The following LAMC3 variants were observed in gnomAD, a reference collection of about 807,000 sequenced individuals.
The protein encoded by LAMC3 is laminin subunit gamma 3, also known as laminin subunit gamma-3.
A neutral mutation model predicts 173.8 loss-of-function variants in LAMC3; 128 were observed. The observed-to-expected ratio is 0.74, with a 90% CI of 0.64 to 0.85. LAMC3 has a LOEUF of 0.85. LAMC3 is among the 40% of genes least tolerant of loss of function. The pLI is 0.00. For synonymous variants in LAMC3, 897 were observed against 909.1 expected (o/e 0.99, Z 0.24); for missense variants, 2,022 against 2,156.0 (o/e 0.94, Z 1.23).
At chr9:131,031,982 C>T (rs995893747) in intron 2 of LAMC3, 63 bp from the exon 3 acceptor site, 23 of 1,613,044 alleles carry the variant, frequency 1.4e-5, no homozygotes, top group African/African-American at 6.7e-5. Flanking sequence ...GCCAGCAGAG[C>T]GATGGGGGTA....
At chr9:131,071,772 T>C in intron 18 of LAMC3, 147 bp downstream of exon 18, 1 of 738,998 alleles carries the variant, frequency 1.4e-6, no homozygotes, top group African/African-American at 1.8e-5. Flanking sequence ...TGTAACTTTA[T>C]TAATATCAGT....
intron 1 of LAMC3, chr9:131,021,446 T>A (rs1331333729): frequency 1.3e-5 from 2 of 152,158 alleles, no homozygotes; most frequent in African/African-American, 2.4e-5. Context: ...ATAATAGCCA[T>A]CCTAATGGAT....
At chr9:131,047,000 G>T (rs1346345707) in intron 8 of LAMC3, among the ~76,000 whole-genome samples, 1 of 152,100 alleles carries the variant, frequency 6.6e-6, no homozygotes, top group African/African-American at 2.4e-5. Flanking sequence ...TAGGGTGTCA[G>T]CGTTGGGCAG....
At chr9:131,076,842 C>T (rs1019389723) in intron 21 of LAMC3, among the ~76,000 whole-genome samples, 18 of 152,300 alleles carry the variant, frequency 1.2e-4, no homozygotes, top group African/African-American at 4.1e-4. Context: ...CCGCTGTGCT[C>T]CCCACTTCAC....
chr9:131,048,989 T>G, intron 8 of LAMC3, 31 bp from the exon 9 acceptor site: 1 of 1,427,300 alleles, frequency 7.0e-7, no homozygotes, highest in African/African-American at 1.4e-5. Context: ...GGCCTCACAC[T>G]GATCGGGGGG....
In LAMC3 at chr9:131,069,799, C is replaced by T. The variant is rs373898915; in HGVS notation, c.3018C>T (p.Asp1006=). The T allele has an allele frequency of 5.0e-5, 80 of 1,594,402 alleles. No homozygotes were observed. Among genetic ancestry groups the T allele is most frequent in the African/African-American group, 9.4e-5 (7 of 74,790 alleles). ...ACGACAACTTCTTCCTCACGGCAGA[C>T]GGCACACACTGCCAGCAATGTCCGT... The part of the protein sequence containing the change: ...RCHDNFFLTA[D]GTHCQQCPSC... The change falls in exon 17 of 28, where the codon GAC becomes GAT. Residue 1006 remains aspartate, a synonymous_variant. Coordinates refer to ENST00000361069, the MANE Select transcript of LAMC3 (RefSeq NM_006059.4).
chr9:131,038,715 A>G, intron 4 of LAMC3, 149 bp from the exon 5 acceptor site: 1 of 840,706 alleles, frequency 1.2e-6, no homozygotes, highest in Non-Finnish European at 2.0e-6. Context: ...AGCCTTGATC[A>G]AGCTGGGCCT....
chr9:131,055,886 T>C (rs890351820), intron 11 of LAMC3, among the ~76,000 whole-genome samples: 1 of 152,108 alleles, frequency 6.6e-6, no homozygotes, highest in Non-Finnish European at 1.5e-5. Flanking sequence ...TTCATTAGTC[T>C]CAAAATCTCC....
At chr9:131,041,600 C>T in intron 6 of LAMC3, 37 bp from the exon 7 acceptor site, 3 of 1,580,828 alleles carry the variant, frequency 1.9e-6, no homozygotes, top group Non-Finnish European at 2.6e-6. Flanking sequence ...TGAATTTGCT[C>T]ATTGCACATT....
At position 131,052,505 on chromosome 9, in the gene LAMC3, G is replaced by T; in HGVS notation, c.1645G>T (p.Asp549Tyr). 1 of 1,614,126 alleles carries T rather than the reference G, an allele frequency of 6.2e-7. No individual in the cohort carries two copies. The highest frequency in any genetic ancestry group is 1.1e-5 in the South Asian group (1 of 91,076). Residue 549 changes from aspartate to tyrosine, a missense_variant, in exon 10 of 28, where the codon GAC becomes TAC. Asp to Tyr is a radical substitution (Grantham distance 160). Coordinates refer to ENST00000361069, the MANE Select transcript of LAMC3 (RefSeq NM_006059.4). ...ELTAPEKFLG[D>Y]QRFSYGQPLI... ...CTTGTCTTCAGAGAAGTTCCTGGGA[G>T]ACCAGCGGTTCAGCTATGGGCAGCC... is the stretch of plus-strand genomic sequence containing the variant.
At chr9:131,018,203 C>T (rs1310441625) in intron 1 of LAMC3, among the ~76,000 whole-genome samples, 2 of 149,660 alleles carry the variant, frequency 1.3e-5, no homozygotes, top group Non-Finnish European at 3.0e-5. Flanking sequence ...GGCATGATCT[C>T]GGCTCACTGC....
In LAMC3 at chr9:131,026,457, C is replaced by T. The variant is rs771073233; in HGVS notation, c.546C>T (p.Gly182=). The T allele has an allele frequency of 5.6e-6, 9 of 1,613,538 alleles. No homozygotes were observed. The highest frequency in any genetic ancestry group is 1.6e-4 in the Middle Eastern group (1 of 6,062). Residue 182 remains glycine, a synonymous_variant, in exon 2 of 28, where the codon GGC becomes GGT. Coordinates refer to ENST00000361069, the MANE Select transcript of LAMC3 (RefSeq NM_006059.4). The surrounding 1 kb of genome is among the most constrained non-coding windows in gnomAD (Gnocchi z 4.8). ...GRPEGQYLRP[G]EDERVAFCTS... ...CCGAGGGCCAGTACCTGCGCCCCGG[C>T]GAGGACGAGCGCGTGGCCTTCTGCA...
chr9:131,027,781 C>T (rs766381313), intron 2 of LAMC3, among the ~76,000 whole-genome samples: 2 of 152,210 alleles, frequency 1.3e-5, no homozygotes, highest in Non-Finnish European at 2.9e-5. Flanking sequence ...TCGGGAGATA[C>T]GCGCGCATGA....
Position 131,091,625 on chromosome 9 carries a change from G to A in LAMC3, c.4566G>A (p.Pro1522=), listed in dbSNP as rs768866817. The part of the protein sequence containing the change: ...LERLRLQLGS[P]GSLQRKLSLL... ...GCCTGAGGCTGCAGCTGGGCTCCCCGGGGTCCTTGCAGAGGAAACTCAGTC... is the reference window on the plus strand; with the variant it reads ...GCCTGAGGCTGCAGCTGGGCTCCCCAGGGTCCTTGCAGAGGAAACTCAGTC... The change falls in exon 28 of 28, where the codon CCG becomes CCA. Residue 1522 remains proline, a synonymous_variant. Transcript: ENST00000361069. 26 of 1,597,914 alleles carry A rather than the reference G, an allele frequency of 1.6e-5. No individual in the cohort carries two copies. The highest frequency in any genetic ancestry group is 6.8e-5 in the East Asian group (3 of 44,392).
At chr9:131,066,028 A>G (rs1253390450) in intron 13 of LAMC3, among the ~76,000 whole-genome samples, 1 of 152,162 alleles carries the variant, frequency 6.6e-6, no homozygotes, top group Non-Finnish European at 1.5e-5. Flanking sequence ...CCCCATCTCT[A>G]CTAATAATAC....
chr9:131,073,592 TG>T (rs1331084672), intron 20 of LAMC3, among the ~76,000 whole-genome samples: 1 of 152,176 alleles, frequency 6.6e-6, no homozygotes, highest in Admixed American at 6.5e-5. Context: ...GTTATTATAT[TG>T]GGGGTATAGT....
chr9:131,047,735 C>T (rs1588150350), intron 8 of LAMC3, among the ~76,000 whole-genome samples: 2 of 151,392 alleles, frequency 1.3e-5, no homozygotes, highest in East Asian at 2.0e-4. Flanking sequence ...TGGTGGCCAG[C>T]TCCTGTAATC....
intron 17 of LAMC3, among the ~76,000 whole-genome samples, 173 bp downstream of exon 17, chr9:131,070,023 C>A (rs879258774): frequency 6.6e-6 from 1 of 152,164 alleles, no homozygotes; most frequent in Non-Finnish European, 1.5e-5. Flanking sequence ...CAGCCTGGCT[C>A]GACCCTCACC....
At chr9:131,055,705 T>G (rs914032647) in intron 11 of LAMC3, among the ~76,000 whole-genome samples, 1 of 151,396 alleles carries the variant, frequency 6.6e-6, no homozygotes, top group South Asian at 2.1e-4. Context: ...GATTACAGGC[T>G]CGAGCCACCG....
Sources: allele counts gnomAD v4.1 joint callset (sites outside exome capture counted in the v4.1 genomes callset), GRCh38; gene constraint gnomAD v4.1.1; non-coding constraint Gnocchi (gnomAD v3.1); transcripts MANE v1.5; gene names NCBI Gene and HGNC (gene_info 2026-07-23, HGNC 2026-07-21).